The following LRRTM4 variants were observed in gnomAD, a reference collection of about 807,000 sequenced individuals.
LRRTM4 encodes leucine rich repeat transmembrane neuronal 4.
A neutral mutation model predicts 47.6 loss-of-function variants in LRRTM4; 25 were observed. The ratio of observed to expected loss-of-function variants is 0.53; its 90% CI spans 0.38 to 0.73. The LOEUF (loss-of-function observed/expected upper bound fraction) is 0.73. Ranked by LOEUF, LRRTM4 falls within the 30% of genes least tolerant of loss-of-function variation. LRRTM4 has a pLI of 0.00. For synonymous variants in LRRTM4, 311 were observed against 269.5 expected (o/e 1.15, Z -1.51); for missense variants, 638 against 713.4 (o/e 0.89, Z 1.20).
chr2:76,912,081 C>T (rs762180916), intron 3 of LRRTM4, among the ~76,000 whole-genome samples: 1 of 151,864 alleles, frequency 6.6e-6, no homozygotes. Context: ...CCACCATGCC[C>T]GGCTAATTTT....
chr2:77,475,943 A>T (rs1419024209), intron 3 of LRRTM4, among the ~76,000 whole-genome samples: 1 of 151,918 alleles, frequency 6.6e-6, no homozygotes, highest in Non-Finnish European at 1.5e-5. Context: ...AATCAGGTCT[A>T]CTTTTTCTAT....
intron 3 of LRRTM4, among the ~76,000 whole-genome samples, chr2:77,086,605 T>C (rs1235861156): frequency 6.6e-6 from 1 of 151,476 alleles, no homozygotes; most frequent in Admixed American, 6.6e-5. Flanking sequence ...GCCTCCTGAG[T>C]AGCTAGGATT....
chr2:77,107,818 C>CA (rs768875970), intron 3 of LRRTM4, among the ~76,000 whole-genome samples: 15,525 of 57,386 alleles, frequency 0.27, 1,208 homozygotes, highest in Non-Finnish European at 0.29. Context: ...AAATCCAACT[C>CA]AAAAAAAAAA....
intron 3 of LRRTM4, among the ~76,000 whole-genome samples, chr2:76,995,406 A>G (rs1677165162): frequency 6.6e-6 from 1 of 152,060 alleles, no homozygotes; most frequent in African/African-American, 2.4e-5. Context: ...AATACCTAGC[A>G]TGATAGTTGC....
intron 3 of LRRTM4, among the ~76,000 whole-genome samples, chr2:77,002,408 C>G (rs1038840924): frequency 2.0e-5 from 3 of 152,030 alleles, no homozygotes; most frequent in Non-Finnish European, 2.9e-5. Context: ...TGCAGATCCC[C>G]AGCAAATACT....
At chr2:77,410,420 T>G (rs1287116785) in intron 3 of LRRTM4, among the ~76,000 whole-genome samples, 1 of 152,144 alleles carries the variant, frequency 6.6e-6, no homozygotes, top group African/African-American at 2.4e-5. Context: ...CCCTAAAGAT[T>G]TTGGTCCTCA....
intron 3 of LRRTM4, among the ~76,000 whole-genome samples, chr2:76,757,143 G>T (rs1030728849): frequency 2.0e-5 from 3 of 151,910 alleles, no homozygotes; most frequent in South Asian, 2.1e-4. Context: ...GATTGAGCAC[G>T]CAAAATGTAC....
chr2:76,889,996 T>A (rs990128399), intron 3 of LRRTM4, among the ~76,000 whole-genome samples: 2 of 151,938 alleles, frequency 1.3e-5, no homozygotes, highest in East Asian at 3.9e-4. Flanking sequence ...GGGATATACA[T>A]AGAGTTCTGT....
chr2:77,102,825 G>C (rs1670992648), intron 3 of LRRTM4, among the ~76,000 whole-genome samples: 1 of 152,112 alleles, frequency 6.6e-6, no homozygotes, highest in African/African-American at 2.4e-5. Flanking sequence ...CCAGTTTGGT[G>C]TCTGCTTTTG....
At chr2:77,484,896 G>A (rs1677850959) in intron 3 of LRRTM4, among the ~76,000 whole-genome samples, 1 of 152,050 alleles carries the variant, frequency 6.6e-6, no homozygotes. Context: ...GAAGTTAATA[G>A]CAGGTTTAAG....
At chr2:77,004,091 T>C (rs1400652366) in intron 3 of LRRTM4, among the ~76,000 whole-genome samples, 1 of 152,092 alleles carries the variant, frequency 6.6e-6, no homozygotes, top group Non-Finnish European at 1.5e-5. Context: ...CAAGAGGAAG[T>C]AGAGCATAAA....
At chr2:77,271,032 CTT>C (rs2104069552) in intron 3 of LRRTM4, among the ~76,000 whole-genome samples, 1 of 152,304 alleles carries the variant, frequency 6.6e-6, no homozygotes, top group East Asian at 1.9e-4. Context: ...GAAAGCCTGA[CTT>C]CGGTGAAGAG....
intron 3 of LRRTM4, among the ~76,000 whole-genome samples, chr2:76,851,763 T>G (rs890311238): frequency 6.6e-6 from 1 of 150,898 alleles, no homozygotes; most frequent in Non-Finnish European, 1.5e-5. Flanking sequence ...TCGTTTTTTT[T>G]TTTTTTTTTT....
intron 3 of LRRTM4, among the ~76,000 whole-genome samples, chr2:77,398,573 T>C (rs950526224): frequency 6.6e-6 from 1 of 151,908 alleles, no homozygotes; most frequent in African/African-American, 2.4e-5. Context: ...TGGTCATATA[T>C]CAGAATTGGA....
chr2:77,384,029 T>C (rs975843127), intron 3 of LRRTM4, among the ~76,000 whole-genome samples: 2 of 152,124 alleles, frequency 1.3e-5, no homozygotes, highest in Non-Finnish European at 2.9e-5. Flanking sequence ...TAACAGAATA[T>C]TTTATTATCA....
At chr2:77,447,413 G>A (rs768246017) in intron 3 of LRRTM4, among the ~76,000 whole-genome samples, 2 of 152,004 alleles carry the variant, frequency 1.3e-5, no homozygotes, top group Admixed American at 1.3e-4. Context: ...AACTGTATCC[G>A]GCTCCAGCTG....
chr2:77,514,590 T>C (rs1679140290), intron 3 of LRRTM4, among the ~76,000 whole-genome samples: 1 of 152,060 alleles, frequency 6.6e-6, no homozygotes, highest in Non-Finnish European at 1.5e-5. Context: ...ACTGCCATTT[T>C]CCTAATAGCA....
At chr2:77,299,239 C>G (rs1013554032) in intron 3 of LRRTM4, among the ~76,000 whole-genome samples, 2 of 130,022 alleles carry the variant, frequency 1.5e-5, no homozygotes, top group African/African-American at 3.4e-5. Flanking sequence ...ATCTCTCTCT[C>G]TCTTTATCTA....
intron 3 of LRRTM4, among the ~76,000 whole-genome samples, chr2:76,805,049 G>A (rs79340291): frequency 0.027 from 4,170 of 152,034 alleles, 192 homozygotes; most frequent in African/African-American, 0.082. Context: ...TTTTTGGCCT[G>A]ACAAAGCCCG....
Sources: allele counts gnomAD v4.1 joint callset (sites outside exome capture counted in the v4.1 genomes callset), GRCh38; gene constraint gnomAD v4.1.1; transcripts MANE v1.5; gene names NCBI Gene and HGNC (gene_info 2026-07-23, HGNC 2026-07-21).